Variants in EZR observed in about 807,000 individuals in gnomAD.
EZR encodes the protein cytovillin 2.
A neutral mutation model predicts 74.8 loss-of-function variants in EZR; 40 were observed. The ratio of observed to expected loss-of-function variants is 0.53; its 90% CI spans 0.42 to 0.70. The LOEUF (loss-of-function observed/expected upper bound fraction) is 0.70. EZR is among the 30% of genes least tolerant of loss of function. The pLI is 0.00. For synonymous variants in EZR, 341 were observed against 283.3 expected (o/e 1.20, Z -2.05); for missense variants, 678 against 755.8 (o/e 0.90, Z 1.21).
intron 7 of EZR, 29 bp from the exon 8 acceptor site, chr6:158,776,533 T>C (rs1185496413): frequency 3.3e-6 from 5 of 1,497,408 alleles, no homozygotes; most frequent in Non-Finnish European, 4.6e-6. Flanking sequence ...AGTGGATGGT[T>C]AGATGTATAC....
chr6:158,790,010 CAGG>C (rs1791692947), intron 2 of EZR, among the ~76,000 whole-genome samples: 1 of 152,102 alleles, frequency 6.6e-6, no homozygotes, highest in African/African-American at 2.4e-5. Flanking sequence ...CCAAGGGAGG[CAGG>C]AGGGCTCCCA....
intron 7 of EZR, among the ~76,000 whole-genome samples, chr6:158,780,377 AGTAT>A (rs1266423085): frequency 6.6e-6 from 1 of 152,186 alleles, no homozygotes; most frequent in Non-Finnish European, 1.5e-5. Flanking sequence ...ACCAACCTCT[AGTAT>A]ATCATATGCA....
At chr6:158,803,580 TAC>T (rs61092315) in intron 2 of EZR, among the ~76,000 whole-genome samples, 890 of 17,440 alleles carry the variant, frequency 0.051, 47 homozygotes, top group African/African-American at 0.096. Context: ...TATATATATA[TAC>T]ATATATATAT....
intron 6 of EZR, among the ~76,000 whole-genome samples, chr6:158,783,995 ATG>A (rs1275147038): frequency 5.9e-5 from 9 of 151,862 alleles, no homozygotes; most frequent in Non-Finnish European, 1.3e-4. Context: ...TTGCCCACAC[ATG>A]TCTTCCCACA....
chr6:158,815,070 T>C (rs1014974974), intron 2 of EZR, among the ~76,000 whole-genome samples: 5 of 152,206 alleles, frequency 3.3e-5, no homozygotes, highest in African/African-American at 1.2e-4. Flanking sequence ...TGCCCCTTAA[T>C]CCAGTTGTTA....
In EZR at chr6:158,766,754, TC is replaced by T. The variant is rs1313760496; in HGVS notation, c.*159del. ...ACTGGGGAAAACAAACCAGGGCGCC[TC>T]CCTGGTTCCCAGCCCAGAATGTTTC... On this transcript the variant is annotated 3_prime_UTR_variant, in exon 14 of 14. Coordinates refer to ENST00000367075, the MANE Select transcript of EZR (RefSeq NM_001111077.2). 1.3e-6 allele frequency: 1 copy of T among 747,688 alleles called. No individual in the cohort carries two copies. Among genetic ancestry groups the T allele is most frequent in the Admixed American group, 2.4e-5 (1 of 41,776 alleles). 46.3% of individuals were successfully genotyped at this position (747,688 alleles called of 1,614,324 possible).
rs1562487907 is a variant in EZR, at chr6:158,767,318, A to G, written c.1539T>C (p.Asn513=). The change falls in exon 13 of 14, where the codon AAT becomes AAC. Residue 513 remains asparagine (N), a synonymous_variant. Transcript: ENST00000367075. ...LSSEGIRDDR[N]EEKRITEAEK... The stretch of plus-strand genomic sequence containing the variant: ...CTGCCTCAGTGATGCGCTTCTCCTC[A>G]TTGCGGTCATCCCGGATGCCCTCAC... 2 of 1,613,634 alleles carry G rather than the reference A, an allele frequency of 1.2e-6. No individual in the cohort carries two copies. Among genetic ancestry groups the G allele is most frequent in the Non-Finnish European group, 1.7e-6 (2 of 1,179,928 alleles).
chr6:158,788,404 T>A (rs927185159), intron 3 of EZR: 1 of 152,290 alleles, frequency 6.6e-6, no homozygotes, highest in Non-Finnish European at 1.5e-5. Context: ...CCCAGCACTT[T>A]GGGAGGCCAA....
At chr6:158,797,716 A>G (rs1777103442) in intron 2 of EZR, among the ~76,000 whole-genome samples, 1 of 152,236 alleles carries the variant, frequency 6.6e-6, no homozygotes, top group African/African-American at 2.4e-5. Context: ...CCAATGATAA[A>G]TGAATTAAAA....
Position 158,767,253 on chromosome 6 carries a change from G to A in EZR, c.1596+8C>T. The A allele has an allele frequency of 6.2e-7, 1 of 1,609,588 alleles. No individual in the cohort carries two copies. On this transcript the variant is annotated splice_region_variant and intron_variant, in intron 13 of 13. Coordinates refer to ENST00000367075, the MANE Select transcript of EZR (RefSeq NM_001111077.2). ...GGCTCCCTGGAGACAGAGCCCCTTGGGCCTCACCAGCAGCTGCCGCTGCAC... is the reference window on the plus strand; with the variant it reads ...GGCTCCCTGGAGACAGAGCCCCTTGAGCCTCACCAGCAGCTGCCGCTGCAC...
rs530817967 is a variant in EZR, at chr6:158,766,245, A to G, written c.*669T>C. On this transcript the variant is annotated 3_prime_UTR_variant, in exon 14 of 14. Coordinates refer to ENST00000367075, the MANE Select transcript of EZR (RefSeq NM_001111077.2). ...ATTATCACTTGTATATAAATAGTAT[A>G]TAGCTGATCATTAATAAGGTGTATA... The G allele has an allele frequency of 8.5e-4, 130 of 152,488 alleles. No homozygotes were observed. Among genetic ancestry groups the G allele is most frequent in the African/African-American group, 2.9e-3 (121 of 41,490 alleles). The allele number at this position is 152,488 out of a possible 1,614,324, so 9.4% of individuals were successfully genotyped here. A position where few individuals can be genotyped will look rare whatever the true frequency, so the allele number is the denominator to read the frequency against.
In EZR at chr6:158,770,804, C is replaced by T. The variant is rs751186941; in HGVS notation, c.1050G>A (p.Arg350=). Residue 350 remains arginine (R), a synonymous_variant, in exon 10 of 14, where the codon CGG becomes CGA. Coordinates refer to ENST00000367075, the MANE Select transcript of EZR (RefSeq NM_001111077.2). ...TTGTCTTCTCCTCATAGTCCTGCAG[C>T]CGCAGCATCAACTCCTCCTTCTCGC... The part of the protein sequence containing the change: ...MMREKEELML[R]LQDYEEKTKK... 3.9e-5 allele frequency: 63 copies of T among 1,614,200 alleles called. No homozygotes were observed. Among genetic ancestry groups the T allele is most frequent in the Admixed American group, 6.7e-5 (4 of 60,030 alleles).
intron 2 of EZR, among the ~76,000 whole-genome samples, chr6:158,794,348 T>G (rs1777015208): frequency 6.6e-6 from 1 of 152,140 alleles, no homozygotes; most frequent in African/African-American, 2.4e-5. Flanking sequence ...CTTTGGCAAT[T>G]GAGAAAACAC....
chr6:158,798,610 T>G (rs2128573367), intron 2 of EZR, among the ~76,000 whole-genome samples: 1 of 149,576 alleles, frequency 6.7e-6, no homozygotes, highest in East Asian at 2.0e-4. Flanking sequence ...AGGGACTTAG[T>G]TTGCTGCTCC....
Position 158,785,545 on chromosome 6 carries a change from C to T in EZR, c.231G>A (p.Gln77=). 1 of 1,614,188 alleles carries T rather than the reference C, an allele frequency of 6.2e-7. No individual in the cohort carries two copies. Among genetic ancestry groups the T allele is most frequent in the Non-Finnish European group, 8.5e-7 (1 of 1,180,034 alleles). The change falls in exon 5 of 14, where the codon CAG becomes CAA. Residue 77 remains glutamine, a synonymous_variant. Coordinates refer to ENST00000367075, the MANE Select transcript of EZR (RefSeq NM_001111077.2). ...AQEVRKENPL[Q]FKFRAKFYPE... ...GGTAGAACTTGGCCCGGAACTTGAA[C>T]TGGAGGGGATTCTCCTTCCTGACCT... is the stretch of plus-strand genomic sequence containing the variant.
rs1352242909 is a variant in EZR at position 158,810,156 on chromosome 6, T to C, written c.12+7926A>G. Among the ~76,000 whole-genome samples, 3 of 152,218 alleles carry C rather than the reference T, an allele frequency of 2.0e-5. No homozygotes were observed. In the East Asian group the frequency reaches 5.8e-4, roughly 29 times the overall value. The stretch of plus-strand genomic sequence containing the variant: ...TCTCCTATCAATAAAAGGTGGGTCA[T>C]GGTGAGATATTTTTTATTTTGCTTT... On this transcript the variant is annotated intron_variant, in intron 2 of 13. Transcript: ENST00000367075.
rs1025856599 is a variant in EZR, at chr6:158,766,181, CA to C, written c.*732del. 1 of 151,842 alleles carries C rather than the reference CA, an allele frequency of 6.6e-6. No homozygotes were observed. Among genetic ancestry groups the C allele is most frequent in the Non-Finnish European group, 1.5e-5 (1 of 68,000 alleles). 9.4% of individuals were successfully genotyped at this position (151,842 alleles called of 1,614,324 possible). A position where few individuals can be genotyped will look rare whatever the true frequency, so the allele number is the denominator to read the frequency against. The stretch of plus-strand genomic sequence containing the variant: ...GTAAAAGGTAACAAAATATACAGAA[CA>C]AAACTTTCCCTTTTTAAAACTAATG... On this transcript the variant is annotated 3_prime_UTR_variant, in exon 14 of 14. Coordinates refer to ENST00000367075, the MANE Select transcript of EZR (RefSeq NM_001111077.2).
At chr6:158,784,957 T>C (rs1006362168) in intron 5 of EZR, among the ~76,000 whole-genome samples, 1 of 152,232 alleles carries the variant, frequency 6.6e-6, no homozygotes, top group Non-Finnish European at 1.5e-5. Flanking sequence ...TAAGAGGTAT[T>C]TTAAGTGGCC....
intron 8 of EZR, 110 bp downstream of exon 8, chr6:158,776,298 G>T (rs1392580590): frequency 2.1e-5 from 19 of 886,632 alleles, no homozygotes; most frequent in Non-Finnish European, 3.4e-5. Context: ...GTAACCTCAT[G>T]AGGAGTTTGG....
Sources: allele counts gnomAD v4.1 joint callset (sites outside exome capture counted in the v4.1 genomes callset), GRCh38; gene constraint gnomAD v4.1.1; transcripts MANE v1.5; gene names NCBI Gene and HGNC (gene_info 2026-07-23, HGNC 2026-07-21).